POLD3: variants seen among roughly 807,000 people sequenced by gnomAD.
The protein encoded by POLD3 is DNA polymerase delta subunit 3.
POLD3 carries 19 observed loss-of-function variants against 58.2 expected under a neutral mutation model. The ratio of observed to expected loss-of-function variants is 0.33; its 90% CI spans 0.23 to 0.48. POLD3 has a LOEUF of 0.48. POLD3 is among the 20% of genes least tolerant of loss of function. The probability of loss-of-function intolerance (pLI) is 0.99; values close to 1 mark genes in which losing one functional copy is unlikely to be tolerated. For synonymous variants in POLD3, 172 were observed against 193.5 expected (o/e 0.89, Z 0.92); for missense variants, 504 against 545.5 (o/e 0.92, Z 0.76).
chr11:74,609,761 CTA>C (rs2031844282), intron 3 of POLD3, among the ~76,000 whole-genome samples: 1 of 152,088 alleles, frequency 6.6e-6, no homozygotes, highest in Non-Finnish European at 1.5e-5. Context: ...TACGTGCAAA[CTA>C]TTTTACACTC....
rs1361821756 is a variant in POLD3, at chr11:74,634,651, C to G, written c.1075C>G (p.Leu359Val). 2.5e-6 allele frequency: 4 copies of G among 1,613,136 alleles called. No individual in the cohort carries two copies. The highest frequency in any genetic ancestry group is 3.4e-6 in the Non-Finnish European group (4 of 1,179,184). The stretch of plus-strand genomic sequence containing the variant: ...CCCACCTCCTCCTCCGTCTCCACCT[C>G]TTGAACCAGTGCCAAAGACTGAGCC... Reference protein sequence around the residue: ...PSPPPPPSPPLEPVPKTEPEP... With the variant: ...PSPPPPPSPPVEPVPKTEPEP... Residue 359 changes from leucine to valine, a missense_variant, in exon 10 of 12, where the codon CTT (leucine) becomes GTT (valine). Physicochemically the swap from Leu to Val is conservative, Grantham distance 32. Coordinates refer to ENST00000263681, the MANE Select transcript of POLD3 (RefSeq NM_006591.3).
At chr11:74,595,767 G>T (rs2031225609) in intron 2 of POLD3, among the ~76,000 whole-genome samples, 2 of 152,096 alleles carry the variant, frequency 1.3e-5, no homozygotes, top group Admixed American at 6.5e-5. Context: ...ACAGGTGCGT[G>T]CCACCACACT....
chr11:74,638,667 C>T (rs1282221599), intron 11 of POLD3: 1 of 455,854 alleles, frequency 2.2e-6, no homozygotes, highest in South Asian at 1.6e-5. Context: ...GGTCTAATTG[C>T]TGAACGAATA....
In POLD3 at chr11:74,608,400, C is replaced by T. The variant is rs939022200; in HGVS notation, c.220-3099C>T. 2.0e-5 allele frequency among the ~76,000 whole-genome samples: 3 copies of T among 152,160 alleles called. 1 individual carries two copies. The highest frequency in any genetic ancestry group is 7.2e-5 in the African/African-American group (3 of 41,420). On this transcript the variant is annotated intron_variant, in intron 3 of 11. Coordinates refer to ENST00000263681, the MANE Select transcript of POLD3 (RefSeq NM_006591.3). ...CCTCCCTAAGTGCTGGGATTACAGG[C>T]ATGAACCACGGCACCTGGCCTTTCT...
At position 74,668,843 on chromosome 11, in the gene POLD3, G is replaced by A. The variant is rs550648661; in HGVS notation, c.437G>A (p.Arg146Gln). The A allele has an allele frequency of 1.4e-4, 174 of 1,238,792 alleles. 1 individual carries two copies. The highest frequency in any genetic ancestry group is 2.2e-4 in the Middle Eastern group (1 of 4,618). 76.7% of individuals were successfully genotyped at this position (1,238,792 alleles called of 1,614,324 possible). The change falls in exon 5 of 5, where the codon CGG (arginine) becomes CAG (glutamine). Residue 146 changes from arginine to glutamine, a missense_variant. Coordinates refer to the POLD3 transcript ENST00000524752. ...CATTACGTGGAAATGCCCATCCAGC[G>A]GTTGGAGAGGTAGGGTAGGATCTGA...
At chr11:74,660,570 C>T (rs1035284067) in intron 4 of POLD3, among the ~76,000 whole-genome samples, 5 of 151,904 alleles carry the variant, frequency 3.3e-5, no homozygotes, top group African/African-American at 9.7e-5. Context: ...AATTGTACTC[C>T]CCAGTGTTGG....
intron 7 of POLD3, among the ~76,000 whole-genome samples, chr11:74,624,832 T>G (rs1453634991): frequency 6.6e-6 from 1 of 152,220 alleles, no homozygotes; most frequent in African/African-American, 2.4e-5. Flanking sequence ...TGATCTCTTT[T>G]AATCCTTATG....
intron 9 of POLD3, among the ~76,000 whole-genome samples, chr11:74,630,090 C>T (rs2032546864): frequency 1.3e-5 from 2 of 151,868 alleles, no homozygotes; most frequent in Admixed American, 1.3e-4. Context: ...GAAATCTAGT[C>T]CAAAGGATTT....
intron 4 of POLD3, chr11:74,652,900 A>C (rs1200039572): frequency 1.9e-5 from 3 of 154,710 alleles, no homozygotes; most frequent in African/African-American, 4.8e-5. Context: ...GTTCTCCCGG[A>C]TGAGAATGAT....
At chr11:74,650,199 T>C (rs1185843041) in intron 4 of POLD3, among the ~76,000 whole-genome samples, 1 of 152,254 alleles carries the variant, frequency 6.6e-6, no homozygotes, top group Non-Finnish European at 1.5e-5. Flanking sequence ...CGTACTTTGC[T>C]AATTTTTTTG....
At chr11:74,604,278 C>A (rs999087949) in intron 2 of POLD3, among the ~76,000 whole-genome samples, 1 of 152,210 alleles carries the variant, frequency 6.6e-6, no homozygotes, top group African/African-American at 2.4e-5. Flanking sequence ...AATCACTAAT[C>A]TAATATAACC....
intron 4 of POLD3, among the ~76,000 whole-genome samples, chr11:74,660,106 CA>C (rs1315525419): frequency 6.6e-6 from 1 of 152,196 alleles, no homozygotes; most frequent in African/African-American, 2.4e-5. Flanking sequence ...GCACTTCTTA[CA>C]TGGCAGCAGC....
At chr11:74,660,474 G>A (rs2033191677) in intron 4 of POLD3, among the ~76,000 whole-genome samples, 1 of 152,030 alleles carries the variant, frequency 6.6e-6, no homozygotes, top group Non-Finnish European at 1.5e-5. Context: ...TCTAGATCTT[G>A]TAGGCATGCC....
At chr11:74,608,510 T>G (rs1261907634) in intron 3 of POLD3, among the ~76,000 whole-genome samples, 2 of 152,184 alleles carry the variant, frequency 1.3e-5, no homozygotes, top group African/African-American at 4.8e-5. Context: ...ACAGAGGGCT[T>G]ACCCCCTCCT....
At chr11:74,605,437 A>G (rs2135126225) in intron 3 of POLD3, among the ~76,000 whole-genome samples, 1 of 152,160 alleles carries the variant, frequency 6.6e-6, no homozygotes, top group East Asian at 1.9e-4. Context: ...GGATCATTCT[A>G]TTACTCCCAT....
intron 7 of POLD3, among the ~76,000 whole-genome samples, chr11:74,624,600 A>G (rs1305418504): frequency 6.6e-6 from 1 of 152,216 alleles, no homozygotes; most frequent in East Asian, 1.9e-4. Context: ...TTTACTTGTG[A>G]AAAGCTATCA....
At chr11:74,607,240 T>TATATATATATATATATATATATATATA (rs761011170) in intron 3 of POLD3, among the ~76,000 whole-genome samples, 1 of 61,918 alleles carries the variant, frequency 1.6e-5, no homozygotes, top group Non-Finnish European at 3.0e-5. Context: ...ATTATTATTA[T>TATATATATATATATATATATATATATA]TATATATTTA....
chr11:74,629,930 AAG>A (rs1196942600), intron 9 of POLD3, among the ~76,000 whole-genome samples: 4 of 152,198 alleles, frequency 2.6e-5, no homozygotes, highest in Non-Finnish European at 5.9e-5. Context: ...GGAGGCTAAA[AAG>A]AAAGTTAAAT....
intron 2 of POLD3, among the ~76,000 whole-genome samples, chr11:74,599,472 C>G (rs935219207): frequency 4.0e-5 from 6 of 150,478 alleles, no homozygotes; most frequent in Non-Finnish European, 7.4e-5. Flanking sequence ...TCAAACGATT[C>G]TCCTGCTTCA....
Sources: gnomAD v4.1 joint callset for allele counts (sites outside exome capture counted in the v4.1 genomes callset) on GRCh38, gnomAD v4.1.1 for gene constraint, MANE v1.5 for transcripts, NCBI Gene and HGNC (gene_info 2026-07-23, HGNC 2026-07-21) for gene names.